The following MTUS2 variants were observed in gnomAD, a reference collection of about 807,000 sequenced individuals.
MTUS2 encodes the protein microtubule associated scaffold protein 2, also known as microtubule-associated tumor suppressor candidate 2.
A neutral mutation model predicts 114.1 loss-of-function variants in MTUS2; 40 were observed. The observed-to-expected ratio is 0.35, with a 90% CI of 0.27 to 0.46. The LOEUF is 0.46. MTUS2 is among the 20% of genes least tolerant of loss of function. MTUS2 has a pLI of 1.00. For missense variants in MTUS2, 1,679 were observed against 1,705.4 expected, an observed-to-expected ratio of 0.98 and a Z score of 0.27; for synonymous variants, 688 against 672.0, an observed-to-expected ratio of 1.02 and a Z score of -0.37.
At chr13:29,153,304 G>A (rs1022225537) in intron 5 of MTUS2, among the ~76,000 whole-genome samples, 4 of 152,072 alleles carry the variant, frequency 2.6e-5, no homozygotes, top group Admixed American at 2.0e-4. Context: ...CACATTCCTG[G>A]TGACAGACAT....
At chr13:29,424,777 A>G (rs1876380308) in intron 8 of MTUS2, among the ~76,000 whole-genome samples, 1 of 152,162 alleles carries the variant, frequency 6.6e-6, no homozygotes, top group Non-Finnish European at 1.5e-5. Flanking sequence ...TCCAGCATGT[A>G]GGACATTCTA....
intron 5 of MTUS2, 84 bp from the exon 6 acceptor site, chr13:29,281,620 T>G: frequency 2.1e-6 from 3 of 1,407,600 alleles, no homozygotes; most frequent in Admixed American, 4.0e-5. Flanking sequence ...ATGACGGCAG[T>G]AGGATTGGTT....
intron 9 of MTUS2, among the ~76,000 whole-genome samples, chr13:29,448,753 C>CTTTT (rs71090255): frequency 0.026 from 2,964 of 115,502 alleles, 169 homozygotes; most frequent in African/African-American, 0.096. Context: ...ACAGAGTGCT[C>CTTTT]TTTTTTTTTT....
rs544804570 is a variant in MTUS2 at position 29,208,607 on chromosome 13, C to T, written c.2645-73097C>T. Among the ~76,000 whole-genome samples the T allele has an allele frequency of 1.0e-3, 158 of 151,908 alleles. 1 individual carries two copies. Among genetic ancestry groups the T allele is most frequent in the South Asian group, 2.3e-3 (11 of 4,796 alleles). Reference sequence around the variant, plus strand: ...CTCTTAATGCTGGTTTTGTTGTATCCGAAAGGTTTTAATAGGTCGTATCAC... The same window carrying T: ...CTCTTAATGCTGGTTTTGTTGTATCTGAAAGGTTTTAATAGGTCGTATCAC... On this transcript the variant is annotated intron_variant, in intron 5 of 15. Transcript: ENST00000612955.
intron 5 of MTUS2, among the ~76,000 whole-genome samples, chr13:29,270,359 C>T (rs576168909): frequency 1.2e-4 from 18 of 152,180 alleles, no homozygotes; most frequent in African/African-American, 3.6e-4. Context: ...AGGTCTCAGA[C>T]GCGGTGGACA....
intron 9 of MTUS2, among the ~76,000 whole-genome samples, chr13:29,465,050 G>C (rs1021217805): frequency 1.3e-5 from 2 of 152,192 alleles, no homozygotes; most frequent in African/African-American, 4.8e-5. Flanking sequence ...GGAAAATTAA[G>C]CAGGAATCAC....
chr13:29,503,712 C>T lies in MTUS2; in HGVS notation c.*506C>T, dbSNP rs961384489. The T allele has an allele frequency of 4.4e-6, 1 of 226,904 alleles. No homozygotes were observed. Among genetic ancestry groups the T allele is most frequent in the Non-Finnish European group, 8.6e-6 (1 of 116,320 alleles). The allele number at this position is 226,904 out of a possible 1,614,324, so 14.1% of individuals were successfully genotyped here. A position where few individuals can be genotyped will look rare whatever the true frequency, so the allele number is the denominator to read the frequency against. ...GAAAATGCATTTCTATCTAGCTTCC[C>T]AGGAATATTTCTACCCAAAATAGAA... On this transcript the variant is annotated 3_prime_UTR_variant, in exon 16 of 16. Transcript: ENST00000612955.
chr13:29,500,160 T>C (rs924881698), intron 14 of MTUS2, among the ~76,000 whole-genome samples: 1 of 152,254 alleles, frequency 6.6e-6, no homozygotes, highest in Non-Finnish European at 1.5e-5. Context: ...CCTGCCCATA[T>C]GGCTTCTCAT....
intron 4 of MTUS2, among the ~76,000 whole-genome samples, chr13:29,065,943 GGGT>G (rs1349092602): frequency 6.6e-5 from 10 of 151,674 alleles, no homozygotes; most frequent in Non-Finnish European, 1.3e-4. Context: ...AAAGCCCCCT[GGGT>G]CAGGTTTCCT....
chr13:29,426,262 T>C (rs1876515789), intron 8 of MTUS2, among the ~76,000 whole-genome samples: 1 of 152,256 alleles, frequency 6.6e-6, no homozygotes, highest in Non-Finnish European at 1.5e-5. Flanking sequence ...TACAGTTTAT[T>C]GTTAAGTACA....
At chr13:28,924,102 C>A (rs576996642) in intron 2 of MTUS2, among the ~76,000 whole-genome samples, 9 of 152,180 alleles carry the variant, frequency 5.9e-5, no homozygotes, top group Admixed American at 1.3e-4. Context: ...TGAGTCACTT[C>A]TCTTGCTTGG....
chr13:28,861,739 T>C (rs1051996227), intron 2 of MTUS2, among the ~76,000 whole-genome samples: 2 of 152,070 alleles, frequency 1.3e-5, no homozygotes, highest in African/African-American at 4.8e-5. Context: ...ATAGGGAAAG[T>C]GAGGCAGATA....
At chr13:29,049,348 C>CG (rs900244683) in intron 4 of MTUS2, among the ~76,000 whole-genome samples, 1 of 152,106 alleles carries the variant, frequency 6.6e-6, no homozygotes, top group South Asian at 2.1e-4. Flanking sequence ...CTTAGGATAG[C>CG]GGGGGGCTGT....
intron 2 of MTUS2, among the ~76,000 whole-genome samples, chr13:29,024,123 AT>A (rs777711027): frequency 5.9e-5 from 9 of 152,114 alleles, no homozygotes; most frequent in Non-Finnish European, 1.3e-4. Context: ...AAATTCTATA[AT>A]TTTTTTCTAC....
chr13:29,494,957 G>A (rs1344385538), intron 12 of MTUS2, among the ~76,000 whole-genome samples: 7 of 151,068 alleles, frequency 4.6e-5, no homozygotes, highest in Non-Finnish European at 4.4e-5. Flanking sequence ...AGGCTGAGGC[G>A]GGCAGATCAC....
intron 4 of MTUS2, among the ~76,000 whole-genome samples, chr13:29,059,115 G>A (rs1364178596): frequency 6.6e-6 from 1 of 151,228 alleles, no homozygotes; most frequent in Non-Finnish European, 1.5e-5. Flanking sequence ...TAGTGCTGCT[G>A]TTTAAAGGTA....
intron 2 of MTUS2, among the ~76,000 whole-genome samples, chr13:28,893,764 G>A (rs779431441): frequency 8.5e-5 from 13 of 152,070 alleles, no homozygotes; most frequent in Non-Finnish European, 8.8e-5. Context: ...GAGAAGACAG[G>A]TTAAACAGAC....
rs76765317 is a variant in MTUS2 at position 28,936,511 on chromosome 13, G to A, written c.-242-87946G>A. On this transcript the variant is annotated intron_variant, in intron 2 of 15. Transcript: ENST00000612955. ...TTTCCTGCGGTGCCTGTGCCTTTTG[G>A]TGAGCTCGTTGGATGGGACTGAGTG... Among the ~76,000 whole-genome samples the A allele has an allele frequency of 3.6e-3, 549 of 152,230 alleles. 3 individuals are homozygous for A. The highest frequency in any genetic ancestry group is 0.013 in the African/African-American group (537 of 41,536).
rs373230914 is a variant in MTUS2, at chr13:28,940,518, T to C, written c.-242-83939T>C. Among the ~76,000 whole-genome samples, 40 of 152,260 alleles carry C rather than the reference T, an allele frequency of 2.6e-4. No individual in the cohort carries two copies. The East Asian group carries it at 4.4e-3, about 17-fold the overall frequency. On this transcript the variant is annotated intron_variant, in intron 2 of 15. Coordinates refer to ENST00000612955, the MANE Select transcript of MTUS2 (RefSeq NM_001033602.4). ...GGAGGTTACCCTGTTACTGGAGTTA[T>C]CAAACCCAGACTTTAAAATAACTTT...
Sources: allele counts gnomAD v4.1 joint callset (sites outside exome capture counted in the v4.1 genomes callset), GRCh38; gene constraint gnomAD v4.1.1; transcripts MANE v1.5; gene names NCBI Gene and HGNC (gene_info 2026-07-23, HGNC 2026-07-21).